ABCG2: variants seen among roughly 807,000 people sequenced by gnomAD.
The protein encoded by ABCG2 is broad substrate specificity ATP-binding cassette transporter ABCG2.
Under a neutral mutation model 73.5 loss-of-function variants are expected in ABCG2, and 80 were observed. The observed-to-expected ratio is 1.09, with a 90% CI of 0.91 to 1.31. The LOEUF (loss-of-function observed/expected upper bound fraction) is 1.31. Among genes scored for constraint, ABCG2 ranks in the 50% most tolerant of loss-of-function variants. ABCG2 has a pLI of 0.00. For missense variants in ABCG2, 796 were observed against 786.2 expected, an observed-to-expected ratio of 1.01 and a Z score of -0.15; for synonymous variants, 269 against 282.4, an observed-to-expected ratio of 0.95 and a Z score of 0.48.
chr4:88,192,442 C>T (rs1481035125), intron 1 of ABCG2, among the ~76,000 whole-genome samples: 1 of 151,930 alleles, frequency 6.6e-6, no homozygotes, highest in African/African-American at 2.4e-5. Flanking sequence ...GAGATGGAGT[C>T]TCGCTCCATC....
chr4:88,139,033 C>T (rs533350161), intron 2 of ABCG2, among the ~76,000 whole-genome samples: 7 of 150,948 alleles, frequency 4.6e-5, no homozygotes, highest in South Asian at 4.2e-4. Context: ...CCCAGCTACT[C>T]GGGAGGCTGA....
intron 6 of ABCG2, among the ~76,000 whole-genome samples, chr4:88,120,201 T>C (rs778062261): frequency 6.6e-6 from 1 of 152,174 alleles, no homozygotes; most frequent in Admixed American, 6.5e-5. Flanking sequence ...TGTATGGAAA[T>C]ACCTGGATGT....
intron 1 of ABCG2, among the ~76,000 whole-genome samples, chr4:88,216,923 C>G (rs4482728): frequency 0.52 from 78,082 of 151,064 alleles, 21,428 homozygotes; most frequent in African/African-American, 0.69. Flanking sequence ...CCCAGCTACT[C>G]GGGAGGCTGA....
chr4:88,162,641 G>T (rs1318440918), upstream of ABCG2, among the ~76,000 whole-genome samples: 1 of 152,120 alleles, frequency 6.6e-6, no homozygotes, highest in Non-Finnish European at 1.5e-5. Flanking sequence ...TAAATGTATT[G>T]CACTGTATAG....
intron 6 of ABCG2, among the ~76,000 whole-genome samples, chr4:88,120,155 G>C (rs879802900): frequency 2.0e-5 from 3 of 152,176 alleles, no homozygotes; most frequent in Admixed American, 2.0e-4. Context: ...GCTTCCATGT[G>C]GTGTTAGGCC....
At chr4:88,187,190 ATATAAT>A (rs1338713341) in intron 1 of ABCG2, among the ~76,000 whole-genome samples, 1 of 151,932 alleles carries the variant, frequency 6.6e-6, no homozygotes, top group African/African-American at 2.4e-5. Flanking sequence ...GGGTACAAAA[ATATAAT>A]TAGATGGAAT....
At chr4:88,226,077 C>G (rs1218546295) in intron 1 of ABCG2, among the ~76,000 whole-genome samples, 1 of 152,206 alleles carries the variant, frequency 6.6e-6, no homozygotes, top group African/African-American at 2.4e-5. Flanking sequence ...GGTGGGGACA[C>G]AGCCAAACCA....
chr4:88,097,985 G>GT (rs1412049597), intron 12 of ABCG2, among the ~76,000 whole-genome samples: 2 of 152,134 alleles, frequency 1.3e-5, no homozygotes, highest in East Asian at 3.9e-4. Context: ...TGAGTGAAGG[G>GT]ACTGGGACGA....
rs779459564 is a variant in ABCG2 at position 88,113,569 on chromosome 4, A to T, written c.944-16T>A. Reference sequence around the variant, plus strand: ...ATCTCTGTGGCTTTGCAATCAGTGGATAAAAAGGAAACACAAACAAGATAA... The same window carrying T: ...ATCTCTGTGGCTTTGCAATCAGTGGTTAAAAAGGAAACACAAACAAGATAA... On this transcript the variant is annotated splice_polypyrimidine_tract_variant and intron_variant, in intron 8 of 15. Transcript: ENST00000237612. 3 of 1,603,622 alleles carry T rather than the reference A, an allele frequency of 1.9e-6. No individual in the cohort carries two copies. The East Asian group carries it at 6.7e-5, about 36-fold the overall frequency.
intron 1 of ABCG2, among the ~76,000 whole-genome samples, chr4:88,203,610 TG>T (rs1182561819): frequency 4.6e-5 from 7 of 151,824 alleles, no homozygotes; most frequent in Non-Finnish European, 1.0e-4. Flanking sequence ...AAAAATTAGC[TG>T]GGCGTGGTGG....
intron 5 of ABCG2, among the ~76,000 whole-genome samples, chr4:88,124,056 C>A (rs1220470468): frequency 6.6e-6 from 1 of 152,122 alleles, no homozygotes; most frequent in East Asian, 1.9e-4. Context: ...TCATATCCAG[C>A]CAAACTAAGC....
At chr4:88,175,261 T>C (rs1284330461) in intron 1 of ABCG2, among the ~76,000 whole-genome samples, 2 of 152,176 alleles carry the variant, frequency 1.3e-5, no homozygotes. Context: ...CTTGAGTAGA[T>C]TCAAGTCCAA....
intron 1 of ABCG2, among the ~76,000 whole-genome samples, chr4:88,176,443 G>A (rs1727978145): frequency 6.8e-6 from 1 of 147,018 alleles, no homozygotes; most frequent in Non-Finnish European, 1.5e-5. Flanking sequence ...TCAATAGGCA[G>A]ATAATAAATA....
chr4:88,164,662 G>A (rs1421100191), intron 1 of ABCG2, among the ~76,000 whole-genome samples: 4 of 152,148 alleles, frequency 2.6e-5, no homozygotes, highest in South Asian at 2.1e-4. Context: ...ACCCAGTCTC[G>A]GGTATGTCTT....
intron 6 of ABCG2, among the ~76,000 whole-genome samples, chr4:88,121,194 GA>G (rs1454422218): frequency 1.3e-5 from 2 of 152,068 alleles, no homozygotes; most frequent in Non-Finnish European, 2.9e-5. Context: ...AACCCAGTCT[GA>G]AGATGATATA....
At chr4:88,112,496 T>C (rs1055870070) in intron 9 of ABCG2, among the ~76,000 whole-genome samples, 1 of 152,206 alleles carries the variant, frequency 6.6e-6, no homozygotes, top group Non-Finnish European at 1.5e-5. Flanking sequence ...TAGTTTCTTC[T>C]ACCATCTAAC....
chr4:88,229,446 C>T (rs1196549075), intron 1 of ABCG2, among the ~76,000 whole-genome samples: 1 of 152,158 alleles, frequency 6.6e-6, no homozygotes, highest in African/African-American at 2.4e-5. Context: ...CGAGACCAGC[C>T]TGGGCAACAT....
intron 1 of ABCG2, among the ~76,000 whole-genome samples, chr4:88,213,835 A>C (rs1358634615): frequency 6.6e-6 from 1 of 151,782 alleles, no homozygotes; most frequent in African/African-American, 2.4e-5. Context: ...GGCACCTGCC[A>C]CCGTGCCCAG....
intron 1 of ABCG2, among the ~76,000 whole-genome samples, chr4:88,195,252 G>T (rs1047470387): frequency 2.0e-5 from 3 of 152,060 alleles, no homozygotes; most frequent in African/African-American, 7.2e-5. Flanking sequence ...AAATATTCCA[G>T]ATTATAAAAT....
Sources: allele counts gnomAD v4.1 joint callset (sites outside exome capture counted in the v4.1 genomes callset), GRCh38; gene constraint gnomAD v4.1.1; transcripts MANE v1.5; gene names NCBI Gene and HGNC (gene_info 2026-07-23, HGNC 2026-07-21).